Variants in CTNNA3 observed in about 807,000 individuals in gnomAD.
CTNNA3 encodes catenin alpha-3.
CTNNA3 carries 76 observed loss-of-function variants against 95.7 expected under a neutral mutation model. That is an observed-to-expected ratio of 0.79 (90% CI 0.66 to 0.96). CTNNA3 has a LOEUF of 0.96. Ranked by LOEUF, CTNNA3 falls within the 40% of genes least tolerant of loss-of-function variation. The probability of loss-of-function intolerance (pLI) is 0.00; values close to 1 mark genes in which losing one functional copy is unlikely to be tolerated. For missense variants in CTNNA3, 1,191 were observed against 1,089.8 expected, an observed-to-expected ratio of 1.09 and a Z score of -1.31; for synonymous variants, 431 against 374.4, an observed-to-expected ratio of 1.15 and a Z score of -1.74.
chr10:66,360,791 TC>T (rs1554944573), intron 12 of CTNNA3, among the ~76,000 whole-genome samples: 1 of 58,934 alleles, frequency 1.7e-5, no homozygotes, highest in Non-Finnish European at 3.4e-5. Flanking sequence ...CTTTCTTCCT[TC>T]CTTCCTTCCT....
intron 15 of CTNNA3, among the ~76,000 whole-genome samples, chr10:65,995,428 G>A (rs1462896849): frequency 6.6e-6 from 1 of 152,092 alleles, no homozygotes; most frequent in Non-Finnish European, 1.5e-5. Context: ...AGCCTCAGTG[G>A]TATCTGTGAT....
At chr10:66,105,562 G>T (rs537821979) in intron 13 of CTNNA3, among the ~76,000 whole-genome samples, 1 of 152,254 alleles carries the variant, frequency 6.6e-6, no homozygotes, top group South Asian at 2.1e-4. Context: ...CCCAAATAAA[G>T]TAACAAACTA....
chr10:66,671,675 A>G (rs1170041564), intron 9 of CTNNA3, among the ~76,000 whole-genome samples: 1 of 152,180 alleles, frequency 6.6e-6, no homozygotes, highest in Non-Finnish European at 1.5e-5. Flanking sequence ...ACATATATTC[A>G]GCTGATAAAC....
At chr10:67,399,565 T>C (rs1358841806) in intron 5 of CTNNA3, among the ~76,000 whole-genome samples, 2 of 152,176 alleles carry the variant, frequency 1.3e-5, no homozygotes, top group Non-Finnish European at 2.9e-5. Flanking sequence ...TTTCTCACTT[T>C]TACAACATCT....
At chr10:67,677,205 A>T (rs985421639) in intron 1 of CTNNA3, among the ~76,000 whole-genome samples, 3 of 152,142 alleles carry the variant, frequency 2.0e-5, no homozygotes, top group African/African-American at 7.2e-5. Context: ...AATGATAAGG[A>T]TCTCATTAAT....
chr10:66,151,686 G>C (rs940964885), intron 13 of CTNNA3, among the ~76,000 whole-genome samples: 7 of 151,874 alleles, frequency 4.6e-5, no homozygotes, highest in African/African-American at 1.2e-4. Flanking sequence ...AGGGAAACAA[G>C]AACGACAAGC....
At chr10:65,920,704 T>C in intron 17 of CTNNA3, 87 bp from the exon 18 acceptor site, 2 of 1,397,414 alleles carry the variant, frequency 1.4e-6, no homozygotes, top group Non-Finnish European at 2.0e-6. Flanking sequence ...CATGTGCCCG[T>C]TGCCCCAGCT....
chr10:66,454,322 A>G (rs746496165), intron 11 of CTNNA3, among the ~76,000 whole-genome samples: 3 of 152,220 alleles, frequency 2.0e-5, no homozygotes, highest in African/African-American at 4.8e-5. Context: ...TTTAAATGCC[A>G]CTAAAATTGA....
intron 11 of CTNNA3, among the ~76,000 whole-genome samples, chr10:66,428,813 A>C (rs1217236251): frequency 6.6e-6 from 1 of 152,036 alleles, no homozygotes; most frequent in Non-Finnish European, 1.5e-5. Flanking sequence ...AAAGATCCAA[A>C]ATTGACACCC....
At chr10:66,702,239 G>A (rs1013999977) in intron 9 of CTNNA3, among the ~76,000 whole-genome samples, 1 of 151,976 alleles carries the variant, frequency 6.6e-6, no homozygotes, top group Non-Finnish European at 1.5e-5. Flanking sequence ...ACAATGGCAG[G>A]CTTTCAGTCT....
At chr10:66,040,717 G>A (rs7075416) in intron 15 of CTNNA3, among the ~76,000 whole-genome samples, 66,947 of 151,704 alleles carry the variant, frequency 0.44, 15,166 homozygotes, top group Admixed American at 0.55. Context: ...AGACACTGGC[G>A]CCTACTGGAG....
At chr10:66,233,440 A>G (rs1012068725) in intron 13 of CTNNA3, among the ~76,000 whole-genome samples, 6 of 152,282 alleles carry the variant, frequency 3.9e-5, no homozygotes, top group Admixed American at 2.0e-4. Flanking sequence ...AGACCAATGA[A>G]TAACATTTAG....
At position 66,917,836 on chromosome 10, in the gene CTNNA3, T is replaced by C. The variant is rs527250857; in HGVS notation, c.1048-142312A>G. ...AAGTGGATATAGCAAAATGTTATGATACCATTTAAAGAACACTGACTGACT... is the reference window on the plus strand; with the variant it reads ...AAGTGGATATAGCAAAATGTTATGACACCATTTAAAGAACACTGACTGACT... On this transcript the variant is annotated intron_variant, in intron 7 of 17. Coordinates refer to ENST00000433211, the MANE Select transcript of CTNNA3 (RefSeq NM_013266.4). Among the ~76,000 whole-genome samples, 78 of 152,330 alleles carry C rather than the reference T, an allele frequency of 5.1e-4. No individual in the cohort carries two copies. In the South Asian group the frequency reaches 0.016, roughly 31 times the overall value.
intron 7 of CTNNA3, among the ~76,000 whole-genome samples, chr10:67,158,561 G>C (rs561780925): frequency 6.6e-6 from 1 of 152,276 alleles, no homozygotes; most frequent in African/African-American, 2.4e-5. Flanking sequence ...TCAAAGGCAA[G>C]TAGTTAAAGA....
chr10:67,179,426 A>C (rs1176515390), intron 7 of CTNNA3, among the ~76,000 whole-genome samples: 2 of 150,666 alleles, frequency 1.3e-5, no homozygotes, highest in African/African-American at 4.9e-5. Context: ...GTGAAACAAA[A>C]TGGACTTTGA....
chr10:66,707,863 G>A (rs764852366), intron 9 of CTNNA3, among the ~76,000 whole-genome samples: 6 of 151,992 alleles, frequency 3.9e-5, no homozygotes, highest in Non-Finnish European at 8.8e-5. Flanking sequence ...TTAGAAAAAA[G>A]CTATTATCAA....
At chr10:66,245,270 C>T (rs1410185313) in intron 13 of CTNNA3, among the ~76,000 whole-genome samples, 1 of 152,140 alleles carries the variant, frequency 6.6e-6, no homozygotes, top group Non-Finnish European at 1.5e-5. Flanking sequence ...GCCCTGGAAG[C>T]ACATTGGTGC....
At chr10:66,417,197 G>T (rs912615280) in intron 11 of CTNNA3, among the ~76,000 whole-genome samples, 3 of 151,896 alleles carry the variant, frequency 2.0e-5, no homozygotes, top group East Asian at 3.9e-4. Context: ...AATAGAAAAA[G>T]ATATTTAACT....
At chr10:66,546,910 C>T (rs538848786) in intron 10 of CTNNA3, among the ~76,000 whole-genome samples, 2 of 152,288 alleles carry the variant, frequency 1.3e-5, no homozygotes, top group South Asian at 4.1e-4. Flanking sequence ...TTCCATGTTA[C>T]ACTTTGTTTC....
Sources: allele counts gnomAD v4.1 joint callset (sites outside exome capture counted in the v4.1 genomes callset), GRCh38; gene constraint gnomAD v4.1.1; transcripts MANE v1.5; gene names NCBI Gene and HGNC (gene_info 2026-07-23, HGNC 2026-07-21).